Variants in LSAMP observed in about 807,000 individuals in gnomAD.
The protein encoded by LSAMP is limbic system associated membrane protein.
A neutral mutation model predicts 38.6 loss-of-function variants in LSAMP; 7 were observed. The observed-to-expected ratio is 0.18, with a 90% CI of 0.10 to 0.34. LSAMP has a LOEUF of 0.34. Ranked by LOEUF, LSAMP falls within the 10% of genes least tolerant of loss-of-function variation. LSAMP has a pLI of 1.00. For missense variants in LSAMP, 313 were observed against 420.0 expected, an observed-to-expected ratio of 0.75 and a Z score of 2.23; for synonymous variants, 154 against 166.8, an observed-to-expected ratio of 0.92 and a Z score of 0.59.
intron 1 of LSAMP, among the ~76,000 whole-genome samples, chr3:116,268,603 AC>A (rs1442573583): frequency 6.6e-6 from 1 of 152,172 alleles, no homozygotes; most frequent in Admixed American, 6.5e-5. Flanking sequence ...AACTTGGCAA[AC>A]ATAGAGTCTC....
At chr3:115,950,721 C>T (rs1306739544) in intron 3 of LSAMP, among the ~76,000 whole-genome samples, 1 of 143,720 alleles carries the variant, frequency 7.0e-6, no homozygotes, top group Non-Finnish European at 1.5e-5. Flanking sequence ...ATCATAATTA[C>T]TCACAAAACT....
chr3:116,290,739 AT>A (rs2047254718), intron 1 of LSAMP, among the ~76,000 whole-genome samples: 1 of 79,062 alleles, frequency 1.3e-5, no homozygotes, highest in African/African-American at 1.2e-4. Context: ...CACAAAAATA[AT>A]AATAATAATA....
chr3:116,055,325 A>G (rs1941471777), intron 2 of LSAMP, among the ~76,000 whole-genome samples: 2 of 152,200 alleles, frequency 1.3e-5, no homozygotes, highest in African/African-American at 4.8e-5. Context: ...CCTGAAGCCA[A>G]AAGTGGGCAA....
chr3:115,870,866 G>T (rs977150599), intron 3 of LSAMP, among the ~76,000 whole-genome samples: 1 of 152,046 alleles, frequency 6.6e-6, no homozygotes, highest in South Asian at 2.1e-4. Context: ...CCTTATACTT[G>T]TTTCTTTCTA....
intron 1 of LSAMP, among the ~76,000 whole-genome samples, chr3:116,352,967 C>T (rs963237900): frequency 6.6e-6 from 1 of 152,106 alleles, no homozygotes; most frequent in Non-Finnish European, 1.5e-5. Context: ...GAATTTCATA[C>T]CTAACTTCGT....
chr3:116,159,849 G>A (rs1709840414), intron 1 of LSAMP, among the ~76,000 whole-genome samples: 1 of 152,132 alleles, frequency 6.6e-6, no homozygotes, highest in South Asian at 2.1e-4. Flanking sequence ...TGGTAGAGTG[G>A]ATGAAGAAAA....
At chr3:116,184,283 A>T (rs1015042586) in intron 1 of LSAMP, among the ~76,000 whole-genome samples, 2 of 152,052 alleles carry the variant, frequency 1.3e-5, no homozygotes, top group Middle Eastern at 3.4e-3. Context: ...TCCAGTTTAC[A>T]GATGAGAAAA....
chr3:116,154,726 T>G (rs1709701331), intron 1 of LSAMP, among the ~76,000 whole-genome samples: 1 of 152,140 alleles, frequency 6.6e-6, no homozygotes, highest in Non-Finnish European at 1.5e-5. Flanking sequence ...TTTTGCTTAG[T>G]CATTTTATTG....
chr3:115,907,079 T>C (rs571671384), intron 3 of LSAMP, among the ~76,000 whole-genome samples: 1 of 152,304 alleles, frequency 6.6e-6, no homozygotes, highest in South Asian at 2.1e-4. Flanking sequence ...AACCCTGGAC[T>C]GTTAAACAAC....
At chr3:115,878,547 C>T (rs978961766) in intron 3 of LSAMP, among the ~76,000 whole-genome samples, 9 of 148,774 alleles carry the variant, frequency 6.0e-5, no homozygotes, top group African/African-American at 1.7e-4. Context: ...CGGCAACCTC[C>T]GCTTCCTGGC....
At chr3:115,820,569 C>T (rs901278644) in intron 6 of LSAMP, among the ~76,000 whole-genome samples, 4 of 152,196 alleles carry the variant, frequency 2.6e-5, no homozygotes, top group Non-Finnish European at 5.9e-5. Context: ...TTTTGACTTT[C>T]AGATTCATTA....
intron 1 of LSAMP, among the ~76,000 whole-genome samples, chr3:116,089,503 G>T (rs1265162860): frequency 1.3e-5 from 2 of 152,028 alleles, no homozygotes; most frequent in Admixed American, 1.3e-4. Context: ...CACTACAGGC[G>T]CCTGCCACCA....
intron 1 of LSAMP, among the ~76,000 whole-genome samples, chr3:116,347,415 G>C (rs2048078446): frequency 6.6e-6 from 1 of 152,106 alleles, no homozygotes; most frequent in Non-Finnish European, 1.5e-5. Flanking sequence ...CATTTAACAT[G>C]GTCAGGCAGC....
Position 115,841,893 on chromosome 3 carries a change from C to T in LSAMP, c.871G>A (p.Val291Met). 1.2e-6 allele frequency: 2 copies of T among 1,614,050 alleles called. No individual in the cohort carries two copies. The highest frequency in any genetic ancestry group is 2.2e-5 in the East Asian group (1 of 44,880). Residue 291 changes from valine to methionine, a missense_variant, in exon 6 of 7, where the codon GTG becomes ATG. Coordinates refer to ENST00000490035, the MANE Select transcript of LSAMP (RefSeq NM_002338.5). ...GTGACCCCCAGCTTGTTGGCAGCCACACAGGTGTAGTTGCCGTAGTGCTCC... is the reference window on the plus strand; with the variant it reads ...GTGACCCCCAGCTTGTTGGCAGCCATACAGGTGTAGTTGCCGTAGTGCTCC... ...TEEHYGNYTC[V>M]AANKLGVTNA...
At chr3:115,841,698 G>A (rs1935001509) in intron 6 of LSAMP, 147 bp downstream of exon 6, 1 of 784,684 alleles carries the variant, frequency 1.3e-6, no homozygotes, top group South Asian at 2.3e-5. Context: ...ATGCACAGGA[G>A]TTGAGAACCC....
chr3:115,845,942 G>C (rs1414147971), intron 4 of LSAMP, among the ~76,000 whole-genome samples: 1 of 152,148 alleles, frequency 6.6e-6, no homozygotes. Context: ...GAATTTTCTT[G>C]TACCAGGGTA....
At chr3:116,019,355 G>C (rs890508468) in intron 3 of LSAMP, among the ~76,000 whole-genome samples, 160 bp downstream of exon 3, 5 of 152,178 alleles carry the variant, frequency 3.3e-5, no homozygotes, top group African/African-American at 1.2e-4. Context: ...TTGCCATTCT[G>C]TTAGTATTTT....
At chr3:115,827,638 T>C (rs575298240) in intron 6 of LSAMP, among the ~76,000 whole-genome samples, 9 of 152,292 alleles carry the variant, frequency 5.9e-5, no homozygotes, top group African/African-American at 2.2e-4. Context: ...GAGTAAACTA[T>C]GGCAGTGCTT....
intron 1 of LSAMP, among the ~76,000 whole-genome samples, chr3:116,171,206 A>G (rs917248989): frequency 1.3e-5 from 2 of 152,282 alleles, no homozygotes; most frequent in East Asian, 3.9e-4. Flanking sequence ...ATGTGCTTAG[A>G]ACAGTAGCTG....
Sources: gnomAD v4.1 joint callset for allele counts (sites outside exome capture counted in the v4.1 genomes callset) on GRCh38, gnomAD v4.1.1 for gene constraint, MANE v1.5 for transcripts, NCBI Gene and HGNC (gene_info 2026-07-23, HGNC 2026-07-21) for gene names.